Variants in TMC5 observed in about 807,000 individuals in gnomAD.
TMC5 encodes the protein transmembrane channel like 5, also known as transmembrane channel-like protein 5.
In TMC5, 86 loss-of-function variants were observed where a neutral mutation model predicts 110.5. The ratio of observed to expected loss-of-function variants is 0.78; its 90% CI spans 0.65 to 0.93. The LOEUF is 0.93. Ranked by LOEUF, TMC5 falls within the 40% of genes least tolerant of loss-of-function variation. The pLI is 0.00. For synonymous variants in TMC5, 455 were observed against 439.5 expected, an observed-to-expected ratio of 1.04 and a Z score of -0.44; for missense variants, 1,144 against 1,222.8, an observed-to-expected ratio of 0.94 and a Z score of 0.96.
chr16:19,466,239 G>T lies in TMC5; in HGVS notation c.1637+6G>T. 24 of 1,613,250 alleles carry T rather than the reference G, an allele frequency of 1.5e-5. No homozygotes were observed. The highest frequency in any genetic ancestry group is 2.0e-5 in the Non-Finnish European group (24 of 1,179,746). On this transcript the variant is annotated splice_donor_region_variant and intron_variant, in intron 9 of 21. Coordinates refer to ENST00000542583, the MANE Select transcript of TMC5 (RefSeq NM_001261841.2). ...TTCTTCAGTTTGCTGTTCAGGTATGGAAGCATCTACATTTCCTGATTCTGA... is the reference window on the plus strand; with the variant it reads ...TTCTTCAGTTTGCTGTTCAGGTATGTAAGCATCTACATTTCCTGATTCTGA...
chr16:19,436,193 G>A (rs554324296), intron 2 of TMC5, among the ~76,000 whole-genome samples: 1 of 146,962 alleles, frequency 6.8e-6, no homozygotes, highest in East Asian at 2.0e-4. Flanking sequence ...CCCGGGGATG[G>A]GGGTGCGGAA....
intron 5 of TMC5, chr16:19,456,733 AATC>A (rs1282510465): frequency 1.2e-6 from 2 of 1,610,520 alleles, no homozygotes; most frequent in Non-Finnish European, 1.7e-6. Context: ...ACGTGAATGA[AATC>A]ATCATACAGG....
intron 17 of TMC5, 104 bp downstream of exon 17, chr16:19,487,430 A>T (rs1016515728): frequency 2.3e-5 from 33 of 1,428,554 alleles, no homozygotes; most frequent in Non-Finnish European, 3.1e-5. Context: ...GGCCGGGTGC[A>T]GTGGCTCACG....
Position 19,460,277 on chromosome 16 carries a change from ACAGAATTAAAGC to A in TMC5, c.1094_1105del (p.Arg365_Ala368del), listed in dbSNP as rs1967988487. ...TCCCTTATACCCATGACATCCAGAG[ACAGAATTAAAGC>A]CATCAGGAACCAGCCAAGGACCATG... On this transcript the variant is annotated inframe_deletion, in exon 6 of 22. Transcript: ENST00000542583. The A allele has an allele frequency of 6.2e-7, 1 of 1,613,890 alleles. No individual in the cohort carries two copies. Among genetic ancestry groups the A allele is most frequent in the Non-Finnish European group, 8.5e-7 (1 of 1,179,830 alleles).
chr16:19,437,276 C>G (rs1438835091), intron 2 of TMC5, among the ~76,000 whole-genome samples: 1 of 152,224 alleles, frequency 6.6e-6, no homozygotes, highest in African/African-American at 2.4e-5. Flanking sequence ...TTGAATCTCA[C>G]TGGCTTTAAC....
intron 16 of TMC5, 62 bp downstream of exon 16, chr16:19,487,082 T>C: frequency 6.2e-7 from 1 of 1,610,326 alleles, no homozygotes; most frequent in East Asian, 2.2e-5. Flanking sequence ...CTGGTGGCGC[T>C]TAAAGCTGGG....
intron 8 of TMC5, among the ~76,000 whole-genome samples, chr16:19,465,089 C>T (rs936963138): frequency 2.0e-5 from 2 of 102,002 alleles, no homozygotes; most frequent in South Asian, 3.8e-4. Flanking sequence ...TCCTTCCTTC[C>T]TTCCTTCCTT....
chr16:19,462,516 A>G (rs749227858), intron 6 of TMC5: 2 of 702,098 alleles, frequency 2.8e-6, no homozygotes, highest in South Asian at 3.0e-5. Flanking sequence ...GGGAGGCCTC[A>G]CAATCACGAC....
intron 10 of TMC5, 60 bp from the exon 11 acceptor site, chr16:19,472,028 T>C: frequency 1.9e-6 from 3 of 1,575,190 alleles, no homozygotes; most frequent in Non-Finnish European, 2.6e-6. Flanking sequence ...CCCAAAGTGC[T>C]GGGATTACAG....
At chr16:19,467,071 A>C (rs536242870) in intron 9 of TMC5, among the ~76,000 whole-genome samples, 17 of 152,122 alleles carry the variant, frequency 1.1e-4, no homozygotes, top group African/African-American at 3.9e-4. Context: ...ACCTGAGCCC[A>C]TTAGGTCGAG....
intron 14 of TMC5, among the ~76,000 whole-genome samples, chr16:19,481,064 AGGGG>A (rs1392868904): frequency 1.3e-5 from 2 of 152,098 alleles, no homozygotes; most frequent in African/African-American, 2.4e-5. Flanking sequence ...ATTAGCAAAG[AGGGG>A]TATAAGATAA....
At chr16:19,417,429 A>AG (rs1292021868), upstream of TMC5, among the ~76,000 whole-genome samples, 1 of 151,520 alleles carries the variant, frequency 6.6e-6, no homozygotes, top group East Asian at 1.9e-4. Context: ...AAAAAAAAAA[A>AG]AAAAAAAAAA....
At position 19,439,880 on chromosome 16, in the gene TMC5, G is replaced by C; in HGVS notation, c.-79-80G>C. The stretch of plus-strand genomic sequence containing the variant: ...CCTGACTACGAACGAAAGGAGAACA[G>C]ATACTGGAAGATAACCAGCAATCTC... On this transcript the variant is annotated intron_variant, in intron 2 of 21. Coordinates refer to ENST00000542583, the MANE Select transcript of TMC5 (RefSeq NM_001261841.2). 4.8e-6 allele frequency: 3 copies of C among 627,484 alleles called. No homozygotes were observed. In the South Asian group the frequency reaches 6.1e-5, roughly 13 times the overall value. The allele number at this position is 627,484 out of a possible 1,614,324, so 38.9% of individuals were successfully genotyped here.
intron 1 of TMC5, among the ~76,000 whole-genome samples, chr16:19,423,944 G>A (rs1467272257): frequency 6.6e-6 from 1 of 152,154 alleles, no homozygotes; most frequent in African/African-American, 2.4e-5. Context: ...AGTAGAGACA[G>A]GGTTTTGACA....
At chr16:19,418,727 G>GTTT (rs57232416) in intron 1 of TMC5, among the ~76,000 whole-genome samples, 2 of 119,116 alleles carry the variant, frequency 1.7e-5, no homozygotes, top group African/African-American at 3.0e-5. Context: ...TGATTTTTGT[G>GTTT]TTTTTTTTTT....
intron 5 of TMC5, among the ~76,000 whole-genome samples, chr16:19,459,537 G>A (rs1261059164): frequency 1.3e-5 from 2 of 152,088 alleles, no homozygotes; most frequent in Non-Finnish European, 2.9e-5. Context: ...TAGCAGTTTG[G>A]GAGGCTGAGG....
At chr16:19,478,989 C>A (rs532136867) in intron 13 of TMC5, among the ~76,000 whole-genome samples, 1 of 152,304 alleles carries the variant, frequency 6.6e-6, no homozygotes, top group South Asian at 2.1e-4. Context: ...GCCTACTAAA[C>A]CTCTAGGCCA....
At chr16:19,487,363 T>C (rs1487202816) in intron 17 of TMC5, 37 bp downstream of exon 17, 2 of 1,590,522 alleles carry the variant, frequency 1.3e-6, no homozygotes, top group East Asian at 2.2e-5. Context: ...TTTTAGAGAC[T>C]GGGTGGATGG....
At chr16:19,448,194 G>T (rs879445395) in intron 4 of TMC5, among the ~76,000 whole-genome samples, 10,599 of 149,814 alleles carry the variant, frequency 0.071, 765 homozygotes, top group African/African-American at 0.19. Context: ...GGCTATGTTA[G>T]AGTGCAGTTT....
Sources: allele counts gnomAD v4.1 joint callset (sites outside exome capture counted in the v4.1 genomes callset), GRCh38; gene constraint gnomAD v4.1.1; transcripts MANE v1.5; gene names NCBI Gene and HGNC (gene_info 2026-07-23, HGNC 2026-07-21).